The following ANK3 variants were observed in gnomAD, a reference collection of about 807,000 sequenced individuals.
ANK3 encodes ankyrin-3.
A neutral mutation model predicts 370.9 loss-of-function variants in ANK3; 57 were observed. The ratio of observed to expected loss-of-function variants is 0.15; its 90% CI spans 0.12 to 0.19. The LOEUF (loss-of-function observed/expected upper bound fraction) is 0.19. ANK3 is among the 10% of genes least tolerant of loss of function. ANK3 has a pLI of 1.00. For missense variants in ANK3, 4,439 were observed against 5,302.1 expected, an observed-to-expected ratio of 0.84 and a Z score of 5.06; for synonymous variants, 1,929 against 1,946.3, an observed-to-expected ratio of 0.99 and a Z score of 0.23.
At position 60,196,614 on chromosome 10, in the gene ANK3, A is replaced by G. The variant is rs1210097194; in HGVS notation, c.1701T>C (p.Thr567=). 2.5e-6 allele frequency: 4 copies of G among 1,577,962 alleles called. No homozygotes were observed. Among genetic ancestry groups the G allele is most frequent in the Non-Finnish European group, 3.5e-6 (4 of 1,157,282 alleles). The change falls in exon 15 of 44, where the codon ACT becomes ACC. Residue 567 remains threonine (T), a synonymous_variant. Coordinates refer to ENST00000280772, the MANE Select transcript of ANK3 (RefSeq NM_020987.5). The part of the protein sequence containing the change: ...SLSITTKKGF[T]PLHVAAKYGK... The stretch of plus-strand genomic sequence containing the variant: ...CATATTTTGCTGCCACATGAAGAGG[A>G]GTAAATCCTTTCTGAAAAAAAAAAA...
intron 2 of ANK3, among the ~76,000 whole-genome samples, chr10:60,584,145 T>C (rs943830291): frequency 3.3e-5 from 5 of 152,162 alleles, no homozygotes; most frequent in Non-Finnish European, 7.3e-5. Flanking sequence ...TACCAGAAGT[T>C]CAGAGGTAGG....
chr10:60,505,997 T>C (rs962734247), intron 2 of ANK3, among the ~76,000 whole-genome samples: 1 of 151,956 alleles, frequency 6.6e-6, no homozygotes, highest in South Asian at 2.1e-4. Context: ...GGATCAAGTT[T>C]CTCCACCCAA....
intron 2 of ANK3, among the ~76,000 whole-genome samples, chr10:60,403,194 A>G (rs2063386420): frequency 6.6e-6 from 1 of 152,246 alleles, no homozygotes; most frequent in Non-Finnish European, 1.5e-5. Context: ...ATTACTACAA[A>G]AACAATCATT....
At chr10:60,452,766 TCTTA>T (rs1292129135) in intron 2 of ANK3, among the ~76,000 whole-genome samples, 1 of 152,258 alleles carries the variant, frequency 6.6e-6, no homozygotes, top group Non-Finnish European at 1.5e-5. Context: ...TTTGGGTGTC[TCTTA>T]CTTCTCATTT....
intron 1 of ANK3, among the ~76,000 whole-genome samples, chr10:60,374,243 GC>G (rs1164583895): frequency 6.6e-6 from 1 of 152,050 alleles, no homozygotes. Context: ...TAGGGGCCTT[GC>G]CAACATTCCA....
intron 2 of ANK3, chr10:60,572,655 C>T (rs1026067454): frequency 2.1e-6 from 3 of 1,451,428 alleles, no homozygotes; most frequent in East Asian, 5.0e-5. Context: ...GGCAAAGCAG[C>T]CGCTGCTTAA....
intron 7 of ANK3, among the ~76,000 whole-genome samples, chr10:60,238,842 A>G (rs755135130): frequency 1.3e-5 from 2 of 152,004 alleles, no homozygotes; most frequent in Non-Finnish European, 2.9e-5. Flanking sequence ...TTCCAGGTAA[A>G]AATATTATTT....
intron 8 of ANK3, among the ~76,000 whole-genome samples, chr10:60,227,371 A>G (rs771406763): frequency 7.9e-5 from 12 of 150,952 alleles, no homozygotes; most frequent in Non-Finnish European, 1.3e-4. Flanking sequence ...TTTCTTTTTG[A>G]TTTTTTGACT....
chr10:60,642,640 G>GGGT (rs1554799068), intron 1 of ANK3, among the ~76,000 whole-genome samples: 2 of 121,224 alleles, frequency 1.6e-5, no homozygotes, highest in African/African-American at 5.8e-5. Context: ...TGTGGGGTGG[G>GGGT]GGGGCGAGGG....
At chr10:60,415,926 C>A (rs574353539) in intron 2 of ANK3, among the ~76,000 whole-genome samples, 1 of 125,668 alleles carries the variant, frequency 8.0e-6, no homozygotes, top group African/African-American at 3.0e-5. Flanking sequence ...GCCCCCCACC[C>A]CCCCGCCATT....
intron 1 of ANK3, among the ~76,000 whole-genome samples, chr10:60,696,350 T>C (rs1275337095): frequency 2.7e-5 from 4 of 149,156 alleles, no homozygotes; most frequent in African/African-American, 1.0e-4. Flanking sequence ...CCATTCCTTC[T>C]GAAACTATTC....
chr10:60,286,076 A>G (rs2098240585), intron 1 of ANK3, among the ~76,000 whole-genome samples: 1 of 152,206 alleles, frequency 6.6e-6, no homozygotes, highest in Non-Finnish European at 1.5e-5. Flanking sequence ...TACATAAAAC[A>G]TATATGAACA....
chr10:60,669,905 C>G (rs1277608210), intron 1 of ANK3, among the ~76,000 whole-genome samples: 1 of 152,154 alleles, frequency 6.6e-6, no homozygotes, highest in Non-Finnish European at 1.5e-5. Context: ...TCACTGTAGC[C>G]TTGACCTCCT....
rs569380670 is a variant in ANK3 at position 60,243,608 on chromosome 10, C to T, written c.799-8822G>A. On this transcript the variant is annotated intron_variant, in intron 7 of 43. Transcript: ENST00000280772. Reference sequence around the variant, plus strand: ...ACAAAAAATGGACTAAGACAATAGACTGTCATGAGGATAAATGAGTTAGTA... The same window carrying T: ...ACAAAAAATGGACTAAGACAATAGATTGTCATGAGGATAAATGAGTTAGTA... 5.9e-5 allele frequency among the ~76,000 whole-genome samples: 9 copies of T among 152,078 alleles called. No individual in the cohort carries two copies. The South Asian group carries it at 1.9e-3, about 32-fold the overall frequency.
chr10:60,308,924 C>T (rs548664536), intron 1 of ANK3, among the ~76,000 whole-genome samples: 1 of 152,282 alleles, frequency 6.6e-6, no homozygotes, highest in South Asian at 2.1e-4. Flanking sequence ...GTTTTTCCCA[C>T]TGAGTTCATA....
intron 2 of ANK3, among the ~76,000 whole-genome samples, chr10:60,482,737 T>C (rs961570988): frequency 6.6e-6 from 1 of 152,182 alleles, no homozygotes; most frequent in Non-Finnish European, 1.5e-5. Flanking sequence ...TCCACCTGTC[T>C]TGGCCTCCCA....
At position 60,632,895 on chromosome 10, in the gene ANK3, ATAAAAAAC is replaced by A. The variant is rs796546450; in HGVS notation, c.58-17679_58-17672del. Among the ~76,000 whole-genome samples, 242 of 96,350 alleles carry A rather than the reference ATAAAAAAC, an allele frequency of 2.5e-3. 1 individual carries two copies. The highest frequency in any genetic ancestry group is 7.6e-3 in the African/African-American group (228 of 29,846). The allele number at this position is 96,350 out of a possible 152,430, so 63.2% of individuals were successfully genotyped here. A position where few individuals can be genotyped will look rare whatever the true frequency, so the allele number is the denominator to read the frequency against. On this transcript the variant is annotated intron_variant, in intron 1 of 43. Coordinates refer to the ANK3 transcript ENST00000373827. The stretch of plus-strand genomic sequence containing the variant: ...AGACTCTGTCTTCAAAAACAAAAAA[ATAAAAAAC>A]AAAAAAAAAACCATACTTATTCTTG...
At chr10:60,346,116 T>C (rs1046095038) in intron 1 of ANK3, among the ~76,000 whole-genome samples, 6 of 152,064 alleles carry the variant, frequency 3.9e-5, no homozygotes, top group Non-Finnish European at 8.8e-5. Flanking sequence ...AAATACAACT[T>C]AGATTTCTTA....
intron 2 of ANK3, among the ~76,000 whole-genome samples, chr10:60,448,251 CAG>C (rs1313427251): frequency 3.3e-5 from 5 of 152,178 alleles, no homozygotes; most frequent in African/African-American, 1.2e-4. Flanking sequence ...AATCGGCAAT[CAG>C]AGAGACTCCG....
Sources: gnomAD v4.1 joint callset for allele counts (sites outside exome capture counted in the v4.1 genomes callset) on GRCh38, gnomAD v4.1.1 for gene constraint, MANE v1.5 for transcripts, NCBI Gene and HGNC (gene_info 2026-07-23, HGNC 2026-07-21) for gene names.